The following RAC1 variants were observed in gnomAD, a reference collection of about 807,000 sequenced individuals.
RAC1 encodes Rac family small GTPase 1.
RAC1 carries 2 observed loss-of-function variants against 25.2 expected under a neutral mutation model. The ratio of observed to expected loss-of-function variants is 0.08; its 90% confidence interval spans 0.03 to 0.25. The LOEUF is 0.25. RAC1 is among the 10% of genes least tolerant of loss of function. The pLI, the probability that RAC1 is intolerant of heterozygous loss-of-function variation, is 1.00. For synonymous variants in RAC1, 88 were observed against 94.0 expected (o/e 0.94, Z 0.37); for missense variants, 50 against 235.7 (o/e 0.21, Z 5.16).
At chr7:6,374,980 G>A (rs1217648934) in intron 1 of RAC1, among the ~76,000 whole-genome samples, 1 of 151,800 alleles carries the variant, frequency 6.6e-6, no homozygotes, top group East Asian at 1.9e-4. Context: ...GGCTCTCGAT[G>A]GAGGAGGGCC....
rs375004213 is a variant in RAC1, at chr7:6,397,240, C to CA, written c.226-2874dup. ...TGGGCGACAGAGCGAGACTCTGTCT[C>CA]AAAAAAAAAAAAGAAAAAAAAGAAA... On this transcript the variant is annotated intron_variant, in intron 3 of 5. Transcript: ENST00000348035. Among the ~76,000 whole-genome samples, 675 of 104,618 alleles carry CA rather than the reference C, an allele frequency of 6.5e-3. 6 individuals carry two copies. The highest frequency in any genetic ancestry group is 0.012 in the Middle Eastern group (2 of 172). 68.6% of individuals were successfully genotyped at this position (104,618 alleles called of 152,430 possible).
intron 1 of RAC1, among the ~76,000 whole-genome samples, chr7:6,377,211 TTAA>T (rs959398299): frequency 1.3e-5 from 2 of 149,710 alleles, no homozygotes; most frequent in African/African-American, 4.9e-5. Context: ...TTTTTTTTTT[TTAA>T]TTAGTTATGA....
At chr7:6,401,147 G>A (rs569636381) in intron 4 of RAC1, among the ~76,000 whole-genome samples, 3 of 152,176 alleles carry the variant, frequency 2.0e-5, no homozygotes, top group African/African-American at 7.2e-5. Context: ...GTAGAGACGG[G>A]GTTTCACCAT....
intron 1 of RAC1, among the ~76,000 whole-genome samples, chr7:6,380,108 G>A (rs569123488): frequency 1.3e-5 from 2 of 152,270 alleles, no homozygotes; most frequent in South Asian, 2.1e-4. Context: ...AATGCCTTCC[G>A]TGACATCATC....
intron 2 of RAC1, among the ~76,000 whole-genome samples, chr7:6,388,155 A>G (rs1239691706): frequency 1.3e-5 from 2 of 151,864 alleles, no homozygotes; most frequent in Admixed American, 1.3e-4. Flanking sequence ...TGCTCTGGTG[A>G]TGGGTTACCC....
At chr7:6,401,440 G>T (rs1783397398) in intron 4 of RAC1, among the ~76,000 whole-genome samples, 2 of 152,324 alleles carry the variant, frequency 1.3e-5, no homozygotes, top group South Asian at 4.1e-4. Flanking sequence ...TTTCAGTGGA[G>T]ATAATAGCGG....
At chr7:6,389,969 T>G (rs904336097) in intron 2 of RAC1, among the ~76,000 whole-genome samples, 3 of 140,372 alleles carry the variant, frequency 2.1e-5, no homozygotes, top group African/African-American at 7.8e-5. Context: ...CTTCCTCCCT[T>G]CCTTTCTTCC....
intron 1 of RAC1, among the ~76,000 whole-genome samples, chr7:6,381,631 A>T (rs1388708588): frequency 1.3e-5 from 2 of 152,078 alleles, no homozygotes; most frequent in Non-Finnish European, 2.9e-5. Context: ...CTAAGGTCAG[A>T]CAGTCCGCCC....
At chr7:6,389,953 C>CCCTCCCTT (rs34323182) in intron 2 of RAC1, among the ~76,000 whole-genome samples, 1 of 139,096 alleles carries the variant, frequency 7.2e-6, no homozygotes, top group African/African-American at 2.7e-5. Context: ...CTCCCTCTCT[C>CCCTCCCTT]CCTCCCTTCC....
At position 6,403,723 on chromosome 7, in the gene RAC1, C is replaced by CGA; in HGVS notation, c.*1277_*1278insGA. The CGA allele has an allele frequency of 4.8e-6, 1 of 209,946 alleles. No homozygotes were observed. Among genetic ancestry groups the CGA allele is most frequent in the African/African-American group, 2.3e-5 (1 of 44,118 alleles). 13.0% of individuals were successfully genotyped at this position (209,946 alleles called of 1,614,324 possible). A position where few individuals can be genotyped will look rare whatever the true frequency, so the allele number is the denominator to read the frequency against. On this transcript the variant is annotated 3_prime_UTR_variant, in exon 6 of 6. Transcript: ENST00000348035. Reference sequence around the variant, plus strand: ...ACCTCGCCCACGCGGACACACGCCTCCTGTAGTCGCTTTGCCTATTGATGT... The same window carrying CGA: ...ACCTCGCCCACGCGGACACACGCCTCGACTGTAGTCGCTTTGCCTATTGATGT...
intron 3 of RAC1, among the ~76,000 whole-genome samples, chr7:6,392,367 C>T (rs1355330352): frequency 6.6e-6 from 1 of 152,190 alleles, no homozygotes; most frequent in Non-Finnish European, 1.5e-5. Context: ...TGCTGTGTGA[C>T]ATTTTTGTAC....
intron 2 of RAC1, among the ~76,000 whole-genome samples, chr7:6,387,759 T>G (rs1270794451): frequency 6.6e-6 from 1 of 151,576 alleles, no homozygotes; most frequent in Non-Finnish European, 1.5e-5. Context: ...TAGGGTAATA[T>G]AAACTTTTCA....
At chr7:6,383,469 T>C (rs1214276605) in intron 1 of RAC1, among the ~76,000 whole-genome samples, 1 of 152,222 alleles carries the variant, frequency 6.6e-6, no homozygotes, top group African/African-American at 2.4e-5. Context: ...CATATTCTTA[T>C]AAGACATAGA....
At chr7:6,386,403 G>A (rs954014021) in intron 1 of RAC1, among the ~76,000 whole-genome samples, 2 of 152,146 alleles carry the variant, frequency 1.3e-5, no homozygotes, top group Non-Finnish European at 2.9e-5. Flanking sequence ...CTGTAGGGAT[G>A]TGGTGGGATT....
In RAC1 at chr7:6,388,481, A is replaced by T. The variant is rs567051567; in HGVS notation, c.107+1198A>T. Among the ~76,000 whole-genome samples, 198 of 150,470 alleles carry T rather than the reference A, an allele frequency of 1.3e-3. 1 individual carries two copies. Among genetic ancestry groups the T allele is most frequent in the South Asian group, 4.4e-3 (21 of 4,776 alleles). On this transcript the variant is annotated intron_variant, in intron 2 of 5. Transcript: ENST00000348035. ...TGCCTCAGCCTCCCAGGTAGCTGTG[A>T]TTACAGGCATACACCACCACACCTG... is the stretch of plus-strand genomic sequence containing the variant.
intron 4 of RAC1, among the ~76,000 whole-genome samples, chr7:6,400,472 A>C (rs1350755704): frequency 6.6e-6 from 1 of 151,548 alleles, no homozygotes; most frequent in East Asian, 2.0e-4. Context: ...TGGGACCATA[A>C]ATGTGCACCA....
At chr7:6,377,098 G>T (rs1782625792) in intron 1 of RAC1, among the ~76,000 whole-genome samples, 1 of 151,960 alleles carries the variant, frequency 6.6e-6, no homozygotes, top group African/African-American at 2.4e-5. Flanking sequence ...GCCCCTTGCT[G>T]AATGCTTAGT....
At chr7:6,385,760 T>G (rs1425180423) in intron 1 of RAC1, among the ~76,000 whole-genome samples, 2 of 152,192 alleles carry the variant, frequency 1.3e-5, no homozygotes, top group African/African-American at 4.8e-5. Context: ...AACTTTATGG[T>G]GAATTCTAAT....
intron 3 of RAC1, among the ~76,000 whole-genome samples, chr7:6,399,220 G>A (rs1783333313): frequency 6.6e-6 from 1 of 152,188 alleles, no homozygotes; most frequent in African/African-American, 2.4e-5. Flanking sequence ...TTCTTCAAAT[G>A]CCAGTTATAA....
Sources: allele counts gnomAD v4.1 joint callset (sites outside exome capture counted in the v4.1 genomes callset), GRCh38; gene constraint gnomAD v4.1.1; transcripts MANE v1.5; gene names NCBI Gene and HGNC (gene_info 2026-07-23, HGNC 2026-07-21).